Variants in PANK2 observed in about 807,000 individuals in gnomAD.
The protein encoded by PANK2 is pantothenate kinase 2, mitochondrial.
Under a neutral mutation model 43.1 loss-of-function variants are expected in PANK2, and 36 were observed. The observed-to-expected ratio is 0.84, with a 90% CI of 0.64 to 1.10. The LOEUF is 1.10. PANK2 is among the 50% of genes least tolerant of loss of function. PANK2 has a pLI of 0.00. For missense variants in PANK2, 576 were observed against 593.3 expected, an observed-to-expected ratio of 0.97 and a Z score of 0.30; for synonymous variants, 281 against 238.2, an observed-to-expected ratio of 1.18 and a Z score of -1.66.
rs1340907969 is a variant in PANK2 at position 3,910,652 on chromosome 20, G to A, written c.727G>A (p.Gly243Arg). 5.6e-6 allele frequency: 9 copies of A among 1,614,022 alleles called. No homozygotes were observed. In the South Asian group the frequency reaches 6.6e-5, roughly 12 times the overall value. Residue 243 changes from glycine (G) to arginine (R), a missense_variant, in exon 3 of 7, where the codon GGA (glycine) becomes AGA (arginine). Coordinates refer to ENST00000610179, the MANE Select transcript of PANK2 (RefSeq NM_001386393.1). The stretch of plus-strand genomic sequence containing the variant: ...AGGAATTTTATACATTGACTCAGTC[G>A]GATTCAATGGACGGTCACAGTGCTA...
chr20:3,918,540 C>T (rs1232282101), intron 5 of PANK2, 131 bp from the exon 6 acceptor site: 1 of 1,254,576 alleles, frequency 8.0e-7, no homozygotes, highest in Non-Finnish European at 1.2e-6. Context: ...AGCCCTGGAC[C>T]AACTGGACTA....
chr20:3,889,291 C>A (rs542291512), upstream of PANK2: 4 of 1,607,298 alleles, frequency 2.5e-6, no homozygotes, highest in Non-Finnish European at 3.4e-6. Flanking sequence ...AGGGAGCCGA[C>A]TGGACGCGAG....
chr20:3,901,579 C>G (rs1198987276), intron 1 of PANK2: 3 of 979,508 alleles, frequency 3.1e-6, no homozygotes, highest in Non-Finnish European at 3.6e-6. Context: ...ATTTCCTTCT[C>G]CCTTCTCTTC....
intron 4 of PANK2, among the ~76,000 whole-genome samples, chr20:3,916,279 G>A (rs548051701): frequency 6.2e-4 from 95 of 152,242 alleles, no homozygotes; most frequent in African/African-American, 1.9e-3. Flanking sequence ...GGGGCACATG[G>A]CTTTTACTAA....
intron 1 of PANK2, among the ~76,000 whole-genome samples, chr20:3,900,864 G>T (rs568797240): frequency 6.6e-6 from 1 of 151,820 alleles, no homozygotes; most frequent in African/African-American, 2.4e-5. Flanking sequence ...TGCCTCCTGG[G>T]TTCAAGCGAT....
intron 6 of PANK2, among the ~76,000 whole-genome samples, chr20:3,920,686 A>G (rs1313418836): frequency 4.6e-5 from 7 of 152,104 alleles, no homozygotes; most frequent in Admixed American, 4.6e-4. Flanking sequence ...CTCTACAAAA[A>G]ATACAAAAAT....
Position 3,910,826 on chromosome 20 carries a change from A to G in PANK2, c.901A>G (p.Thr301Ala). ...AGATAATTACAAACGGGTCACAGGT[A>G]CTAGGTAAGTTGTATATAAAACTCA... Residue 301 changes from threonine (T) to alanine (A), a missense_variant, in exon 3 of 7, where the codon ACT becomes GCT. This residue lies in a region of PANK2 where 544 missense variants were observed against 528.9 expected (regional missense o/e 1.03). Coordinates refer to ENST00000610179, the MANE Select transcript of PANK2 (RefSeq NM_001386393.1). 6.2e-7 allele frequency: 1 copy of G among 1,614,166 alleles called. No individual in the cohort carries two copies. Among genetic ancestry groups the G allele is most frequent in the Non-Finnish European group, 8.5e-7 (1 of 1,180,010 alleles).
At chr20:3,890,015 C>T (rs1753013784) in intron 1 of PANK2, 5 of 1,135,516 alleles carry the variant, frequency 4.4e-6, no homozygotes, top group African/African-American at 1.6e-5. Flanking sequence ...GCATTCTCTT[C>T]CTGAGGGTCA....
Position 3,912,435 on chromosome 20 carries a change from GTGT to G in PANK2, c.906-21_906-19del, listed in dbSNP as rs1568574849. On this transcript the variant is annotated intron_variant, in intron 3 of 6. Transcript: ENST00000610179. The stretch of plus-strand genomic sequence containing the variant: ...TTATTTTTAAAAATGTTATAATACT[GTGT>G]TAATTGTTTTTAATCATAGTCTTGG... 1.2e-6 allele frequency: 2 copies of G among 1,610,110 alleles called. No individual in the cohort carries two copies. Among genetic ancestry groups the G allele is most frequent in the East Asian group, 2.2e-5 (1 of 44,862 alleles).
chr20:3,916,818 C>G, intron 4 of PANK2, 109 bp from the exon 5 acceptor site: 1 of 1,489,036 alleles, frequency 6.7e-7, no homozygotes, highest in Non-Finnish European at 9.2e-7. Flanking sequence ...TTGAAGATTT[C>G]AACAATGTTG....
In PANK2 at chr20:3,889,426, C is replaced by T. The variant is rs746763863; in HGVS notation, c.-5C>T. On this transcript the variant is annotated 5_prime_UTR_variant, in exon 1 of 7. Coordinates refer to ENST00000610179, the MANE Select transcript of PANK2 (RefSeq NM_001386393.1). ...GCCGCGGAGGAGGCGAGAAGGAATC[C>T]GACGCTGGGGGGCTTGCTCGGGCGG... 26 of 1,567,420 alleles carry T rather than the reference C, an allele frequency of 1.7e-5. No homozygotes were observed. The highest frequency in any genetic ancestry group is 1.3e-4 in the African/African-American group (10 of 74,146).
At chr20:3,923,096 C>T in intron 6 of PANK2, 148 bp from the exon 7 acceptor site, 2 of 885,258 alleles carry the variant, frequency 2.3e-6, no homozygotes, top group Non-Finnish European at 3.8e-6. Flanking sequence ...GTCTCTGCTC[C>T]CAGGCTGGCC....
chr20:3,898,802 T>C (rs2090252121), intron 1 of PANK2, among the ~76,000 whole-genome samples: 1 of 152,040 alleles, frequency 6.6e-6, no homozygotes, highest in Non-Finnish European at 1.5e-5. Flanking sequence ...TTGTGAGTGC[T>C]TTATGGGTTT....
intron 1 of PANK2, among the ~76,000 whole-genome samples, chr20:3,903,466 C>CTTTT (rs1258746977): frequency 3.4e-5 from 4 of 117,486 alleles, no homozygotes; most frequent in South Asian, 5.5e-4. Context: ...TCTTCTTTTC[C>CTTTT]TTTTTTTTTT....
chr20:3,917,181 T>A, intron 5 of PANK2, 131 bp downstream of exon 5: 1 of 1,150,870 alleles, frequency 8.7e-7, no homozygotes, highest in Non-Finnish European at 1.3e-6. Context: ...AGCACGAAGT[T>A]AAAACTCTTC....
At chr20:3,901,749 A>G (rs1416701910) in intron 1 of PANK2, 3 of 299,156 alleles carry the variant, frequency 1.0e-5, no homozygotes, top group Non-Finnish European at 1.5e-5. Flanking sequence ...TCATCTACCA[A>G]TTATGTTAGA....
chr20:3,910,245 C>G (rs6116088), intron 2 of PANK2, among the ~76,000 whole-genome samples: 105 of 152,024 alleles, frequency 6.9e-4, no homozygotes, highest in African/African-American at 2.5e-3. Context: ...GCCCCATTGT[C>G]CCTGTAAGCA....
At chr20:3,890,046 G>A in intron 1 of PANK2, 3 of 815,206 alleles carry the variant, frequency 3.7e-6, no homozygotes, top group Non-Finnish European at 3.6e-6. Context: ...TCCTCGAGAA[G>A]GCTTCTTTTG....
At chr20:3,903,466 C>CTTT (rs1258746977) in intron 1 of PANK2, among the ~76,000 whole-genome samples, 9 of 117,486 alleles carry the variant, frequency 7.7e-5, no homozygotes, top group East Asian at 2.5e-4. Flanking sequence ...TCTTCTTTTC[C>CTTT]TTTTTTTTTT....
Sources: allele counts gnomAD v4.1 joint callset (sites outside exome capture counted in the v4.1 genomes callset), GRCh38; gene constraint gnomAD v4.1.1; regional missense constraint gnomAD v4.1.1; transcripts MANE v1.5; gene names NCBI Gene and HGNC (gene_info 2026-07-23, HGNC 2026-07-21).